MLLT10: variants seen among roughly 807,000 people sequenced by gnomAD.
The protein encoded by MLLT10 is protein AF-10.
In MLLT10, 30 loss-of-function variants were observed where a neutral mutation model predicts 129.1. The observed-to-expected ratio is 0.23, with a 90% CI of 0.17 to 0.32. MLLT10 has a LOEUF of 0.32. Among genes scored for constraint, MLLT10 ranks in the 10% least tolerant of loss-of-function variants. MLLT10 has a pLI of 1.00. For synonymous variants in MLLT10, 490 were observed against 446.4 expected (o/e 1.10, Z -1.23); for missense variants, 1,119 against 1,268.3 (o/e 0.88, Z 1.79).
chr10:21,714,623 C>T (rs548359829), intron 14 of MLLT10, among the ~76,000 whole-genome samples: 1 of 152,308 alleles, frequency 6.6e-6, no homozygotes, highest in East Asian at 1.9e-4. Flanking sequence ...CCTCTGCCTC[C>T]TGGGTTCAAG....
At chr10:21,700,593 G>A (rs2131469015) in intron 13 of MLLT10, among the ~76,000 whole-genome samples, 1 of 152,194 alleles carries the variant, frequency 6.6e-6, no homozygotes, top group East Asian at 1.9e-4. Flanking sequence ...TTTATCAAAT[G>A]CTTTTTCTGC....
At chr10:21,565,908 A>G in intron 3 of MLLT10, among the ~76,000 whole-genome samples, 1 of 122,626 alleles carries the variant, frequency 8.2e-6, no homozygotes, top group East Asian at 2.8e-4. Context: ...GCTTGGCTTT[A>G]GGTTATGTTT....
At chr10:21,670,322 A>T in intron 9 of MLLT10, 127 bp from the exon 10 acceptor site, 1 of 838,226 alleles carries the variant, frequency 1.2e-6, no homozygotes. Flanking sequence ...AGGTGAACTG[A>T]CTTATTTTTA....
chr10:21,619,046 A>G (rs2045554568), intron 8 of MLLT10, among the ~76,000 whole-genome samples: 1 of 151,722 alleles, frequency 6.6e-6, no homozygotes, highest in South Asian at 2.1e-4. Context: ...ACACACACAC[A>G]CACACACACA....
chr10:21,624,377 A>C (rs1456187131), intron 8 of MLLT10, among the ~76,000 whole-genome samples: 1 of 152,224 alleles, frequency 6.6e-6, no homozygotes, highest in Non-Finnish European at 1.5e-5. Context: ...AGAATAAGGG[A>C]ACTCTGTAAG....
intron 14 of MLLT10, among the ~76,000 whole-genome samples, chr10:21,714,334 C>A (rs1266711261): frequency 2.3e-5 from 2 of 86,128 alleles, no homozygotes; most frequent in African/African-American, 1.2e-4. Context: ...TATATGAAAT[C>A]TTTTTAAAGT....
chr10:21,693,616 G>T (rs541697425), intron 13 of MLLT10, among the ~76,000 whole-genome samples: 12 of 152,014 alleles, frequency 7.9e-5, no homozygotes, highest in Non-Finnish European at 1.5e-4. Context: ...AGTCTTCCTT[G>T]GACTTAACTG....
chr10:21,659,535 G>T (rs2049958941), intron 9 of MLLT10, among the ~76,000 whole-genome samples: 1 of 150,608 alleles, frequency 6.6e-6, no homozygotes, highest in Non-Finnish European at 1.5e-5. Context: ...TTTTGAGACG[G>T]ATTCTCGCTT....
chr10:21,591,633 A>G (rs1418028873), intron 4 of MLLT10, among the ~76,000 whole-genome samples: 1 of 152,058 alleles, frequency 6.6e-6, no homozygotes, highest in East Asian at 1.9e-4. Context: ...CTATATATAT[A>G]TACACAAGTA....
At chr10:21,725,671 A>G (rs980830102) in intron 14 of MLLT10, among the ~76,000 whole-genome samples, 3 of 147,102 alleles carry the variant, frequency 2.0e-5, no homozygotes, top group African/African-American at 7.4e-5. Context: ...CAGTGAGCCG[A>G]GAACGCGCCA....
intron 3 of MLLT10, among the ~76,000 whole-genome samples, chr10:21,547,408 T>C (rs1468939931): frequency 1.3e-5 from 2 of 151,330 alleles, no homozygotes; most frequent in East Asian, 1.9e-4. Flanking sequence ...GTTTTCTTTT[T>C]TTTTTTTTTT....
At chr10:21,726,417 C>G in intron 15 of MLLT10, 62 bp downstream of exon 15, 1 of 1,193,116 alleles carries the variant, frequency 8.4e-7, no homozygotes, top group Non-Finnish European at 1.2e-6. Context: ...TTTTTTTCCC[C>G]TTTTGGTTCA....
chr10:21,537,286 T>C (rs1323983961), intron 2 of MLLT10, among the ~76,000 whole-genome samples: 2 of 152,130 alleles, frequency 1.3e-5, no homozygotes, highest in East Asian at 1.9e-4. Context: ...TTTGTGAATT[T>C]ATATTCTTTC....
intron 8 of MLLT10, among the ~76,000 whole-genome samples, chr10:21,632,827 C>G (rs1347694363): frequency 1.3e-5 from 2 of 152,132 alleles, no homozygotes; most frequent in Non-Finnish European, 2.9e-5. Context: ...TAATCTCCTA[C>G]TGATTGTAGG....
chr10:21,697,304 A>G (rs968139811), intron 13 of MLLT10, among the ~76,000 whole-genome samples: 1 of 151,884 alleles, frequency 6.6e-6, no homozygotes. Flanking sequence ...TGTCTCTACT[A>G]AAAATACAAA....
At chr10:21,637,880 G>A (rs2047605159) in intron 8 of MLLT10, among the ~76,000 whole-genome samples, 1 of 152,198 alleles carries the variant, frequency 6.6e-6, no homozygotes, top group Admixed American at 6.5e-5. Context: ...CTAATTCACT[G>A]TTAGCTTCCT....
intron 13 of MLLT10, among the ~76,000 whole-genome samples, chr10:21,710,690 C>G (rs1278415055): frequency 1.3e-5 from 2 of 152,132 alleles, no homozygotes; most frequent in African/African-American, 4.8e-5. Context: ...TGACCCTGAA[C>G]CTCTTAATTT....
rs148010272 is a variant in MLLT10 at position 21,549,180 on chromosome 10, G to T, written c.240+10268G>T. 2.7e-5 allele frequency among the ~76,000 whole-genome samples: 4 copies of T among 146,810 alleles called. No individual in the cohort carries two copies. The East Asian group carries it at 8.0e-4, about 29-fold the overall frequency. The stretch of plus-strand genomic sequence containing the variant: ...GCTCTGTCACCCTGGCTGGAGTGCA[G>T]TGGCGCAGTCTCGGCTCACTGCAAC... On this transcript the variant is annotated intron_variant, in intron 3 of 22. Transcript: ENST00000307729.
intron 3 of MLLT10, among the ~76,000 whole-genome samples, chr10:21,539,412 C>CT (rs370995933): frequency 0.019 from 2,311 of 120,664 alleles, 56 homozygotes; most frequent in African/African-American, 0.054. Context: ...ACATAAAAAT[C>CT]TTTTTTTTTT....
Sources: allele counts gnomAD v4.1 joint callset (sites outside exome capture counted in the v4.1 genomes callset), GRCh38; gene constraint gnomAD v4.1.1; transcripts MANE v1.5; gene names NCBI Gene and HGNC (gene_info 2026-07-23, HGNC 2026-07-21).